The following AKAIN1 variants were observed in gnomAD, a reference collection of about 807,000 sequenced individuals.
AKAIN1 encodes the protein A-kinase anchor protein inhibitor 1.
In AKAIN1, 3 loss-of-function variants were observed where a neutral mutation model predicts 3.7. The observed-to-expected ratio is 0.82, with a 90% CI of 0.37 to 2.12. The LOEUF is 2.12. AKAIN1 is among the 30% of genes most tolerant of loss of function. AKAIN1 has a pLI of 0.06. For synonymous variants in AKAIN1, 31 were observed against 30.8 expected (o/e 1.01, Z -0.02); for missense variants, 82 against 82.7 (o/e 0.99, Z 0.03).
intron 1 of AKAIN1, among the ~76,000 whole-genome samples, chr18:5,149,637 T>C (rs1476658232): frequency 6.6e-6 from 1 of 152,218 alleles, no homozygotes; most frequent in Non-Finnish European, 1.5e-5. Context: ...TTTCTGCATA[T>C]TCACGACGTG....
intron 1 of AKAIN1, among the ~76,000 whole-genome samples, chr18:5,187,468 T>C (rs1230895227): frequency 6.6e-6 from 1 of 152,148 alleles, no homozygotes; most frequent in East Asian, 1.9e-4. Flanking sequence ...GGCACTGGCA[T>C]CTGGTGAGGA....
chr18:5,168,897 A>G (rs1314503141), intron 1 of AKAIN1, among the ~76,000 whole-genome samples: 1 of 151,804 alleles, frequency 6.6e-6, no homozygotes, highest in Admixed American at 6.6e-5. Flanking sequence ...AACAAAAACA[A>G]CAACAAAAAG....
At chr18:5,166,099 A>G (rs981355033) in intron 1 of AKAIN1, among the ~76,000 whole-genome samples, 1 of 152,080 alleles carries the variant, frequency 6.6e-6, no homozygotes, top group African/African-American at 2.4e-5. Flanking sequence ...TATTAAATTA[A>G]TTACAATGTA....
chr18:5,160,261 C>T (rs1598307404), intron 1 of AKAIN1, among the ~76,000 whole-genome samples: 1 of 152,156 alleles, frequency 6.6e-6, no homozygotes, highest in East Asian at 1.9e-4. Flanking sequence ...TAGTATGTGT[C>T]ATCATTTTAA....
chr18:5,154,386 T>TA (rs899967321), intron 1 of AKAIN1, among the ~76,000 whole-genome samples: 87 of 152,180 alleles, frequency 5.7e-4, no homozygotes, highest in African/African-American at 2.0e-3. Flanking sequence ...CAGAGAGACT[T>TA]AAAAGGCTGT....
chr18:5,159,116 G>C (rs1044141582), intron 1 of AKAIN1, among the ~76,000 whole-genome samples: 2 of 151,536 alleles, frequency 1.3e-5, no homozygotes, highest in African/African-American at 4.8e-5. Context: ...ATCAGAAAGA[G>C]AGAACAGGTG....
At chr18:5,177,016 T>G (rs182539898) in intron 1 of AKAIN1, among the ~76,000 whole-genome samples, 1 of 151,798 alleles carries the variant, frequency 6.6e-6, no homozygotes, top group Non-Finnish European at 1.5e-5. Flanking sequence ...AATACAGCAG[T>G]TCCCAAAGGC....
intron 1 of AKAIN1, among the ~76,000 whole-genome samples, chr18:5,182,251 G>C (rs146004024): frequency 1.4e-4 from 21 of 152,226 alleles, no homozygotes; most frequent in Non-Finnish European, 2.9e-4. Context: ...TCCACAGAAA[G>C]AATCAACTCT....
intron 1 of AKAIN1, among the ~76,000 whole-genome samples, chr18:5,168,223 C>T (rs1366122541): frequency 6.6e-6 from 1 of 152,078 alleles, no homozygotes; most frequent in African/African-American, 2.4e-5. Context: ...AGAGACGAGG[C>T]TAACTTGAAG....
chr18:5,149,597 T>C (rs534361531), intron 1 of AKAIN1, among the ~76,000 whole-genome samples: 1 of 152,342 alleles, frequency 6.6e-6, no homozygotes, highest in Non-Finnish European at 1.5e-5. Context: ...TTCTAGAGTC[T>C]CTCTGACTTT....
rs139868807 is a variant in AKAIN1 at position 5,152,768 on chromosome 18, C to G, written c.17-7013G>C. Among the ~76,000 whole-genome samples the G allele has an allele frequency of 4.0e-3, 605 of 152,248 alleles. 5 individuals carry two copies. Among genetic ancestry groups the G allele is most frequent in the African/African-American group, 0.014 (577 of 41,566 alleles). On this transcript the variant is annotated intron_variant, in intron 1 of 1. Coordinates refer to ENST00000434239, the MANE Select transcript of AKAIN1 (RefSeq NM_001145194.2). ...AAAGATCCACCCCTGAGTGGCAAGT[C>G]CCTGATCTGCGTAACAAAAGCAGGG...
chr18:5,162,631 T>C (rs868521382), intron 1 of AKAIN1, among the ~76,000 whole-genome samples: 2,012 of 37,108 alleles, frequency 0.054, 36 homozygotes, highest in African/African-American at 0.17. Context: ...GATGCGTGTG[T>C]GTGTGTGTGT....
intron 1 of AKAIN1, among the ~76,000 whole-genome samples, chr18:5,148,739 C>T (rs896751044): frequency 4.6e-5 from 7 of 152,074 alleles, no homozygotes; most frequent in African/African-American, 1.4e-4. Context: ...CACCTGTAGT[C>T]CCAGCTGCTT....
chr18:5,167,405 C>T (rs1027819903), intron 1 of AKAIN1, among the ~76,000 whole-genome samples: 3 of 152,024 alleles, frequency 2.0e-5, no homozygotes, highest in African/African-American at 7.2e-5. Flanking sequence ...GACTTGTGAG[C>T]AACTGCCTGC....
chr18:5,146,454 A>G (rs565421574), intron 1 of AKAIN1, among the ~76,000 whole-genome samples: 1 of 152,298 alleles, frequency 6.6e-6, no homozygotes, highest in Non-Finnish European at 1.5e-5. Context: ...TTAATCCAAC[A>G]TTATTCAGGT....
At chr18:5,173,589 A>C (rs547141499) in intron 1 of AKAIN1, among the ~76,000 whole-genome samples, 2 of 152,290 alleles carry the variant, frequency 1.3e-5, no homozygotes, top group South Asian at 4.1e-4. Context: ...CCCAGAGGGC[A>C]GGGGTCCTCT....
intron 1 of AKAIN1, among the ~76,000 whole-genome samples, chr18:5,191,190 G>C (rs1317738908): frequency 6.6e-6 from 1 of 152,080 alleles, no homozygotes; most frequent in Non-Finnish European, 1.5e-5. Flanking sequence ...GTACAAAAAG[G>C]CGTAAAATTA....
chr18:5,195,635 T>C (rs1351554772), intron 1 of AKAIN1, among the ~76,000 whole-genome samples: 2 of 152,166 alleles, frequency 1.3e-5, no homozygotes, highest in Admixed American at 1.3e-4. Flanking sequence ...TCCCTGGGGA[T>C]GGTAGAGTAG....
At chr18:5,197,396 G>A, upstream of AKAIN1, 1 of 1,258,818 alleles carries the variant, frequency 7.9e-7, no homozygotes, top group Non-Finnish European at 1.0e-6. This position sits in a 1 kb window ranked among gnomAD's most constrained non-coding sequence, Gnocchi z 6.9. Flanking sequence ...GGTCGGAAGA[G>A]CAAGAGAGAG....
Sources: gnomAD v4.1 joint callset for allele counts (sites outside exome capture counted in the v4.1 genomes callset) on GRCh38, gnomAD v4.1.1 for gene constraint, Gnocchi (gnomAD v3.1) non-coding constraint, MANE v1.5 for transcripts, NCBI Gene and HGNC (gene_info 2026-07-23, HGNC 2026-07-21) for gene names.